NCAM2: variants seen among roughly 807,000 people sequenced by gnomAD.
NCAM2 encodes the protein neural cell adhesion molecule 2.
NCAM2 carries 30 observed loss-of-function variants against 98.1 expected under a neutral mutation model. The observed-to-expected ratio is 0.31, with a 90% CI of 0.23 to 0.41. The LOEUF (loss-of-function observed/expected upper bound fraction) is 0.41, where lower values mean the gene tolerates loss of function less well. Among genes scored for constraint, NCAM2 ranks in the 10% least tolerant of loss-of-function variants. The pLI is 1.00. For synonymous variants in NCAM2, 368 were observed against 342.4 expected (o/e 1.07, Z -0.83); for missense variants, 867 against 1,005.8 (o/e 0.86, Z 1.87).
intron 8 of NCAM2, among the ~76,000 whole-genome samples, chr21:21,359,471 GATA>G (rs1402464735): frequency 6.6e-6 from 1 of 151,794 alleles, no homozygotes; most frequent in Non-Finnish European, 1.5e-5. Flanking sequence ...AATAATTCTA[GATA>G]ATATTTTTAA....
chr21:21,034,943 A>G (rs1601159150), intron 1 of NCAM2, among the ~76,000 whole-genome samples: 2 of 152,180 alleles, frequency 1.3e-5, no homozygotes, highest in African/African-American at 4.8e-5. Context: ...CTGGACTTCT[A>G]AAAGAGTCTC....
At chr21:21,059,323 G>A (rs1459881805) in intron 1 of NCAM2, among the ~76,000 whole-genome samples, 1 of 152,158 alleles carries the variant, frequency 6.6e-6, no homozygotes, top group African/African-American at 2.4e-5. Context: ...TCAGAGACTT[G>A]GGGACATTGA....
intron 1 of NCAM2, among the ~76,000 whole-genome samples, chr21:21,124,168 C>T (rs1245126841): frequency 6.6e-6 from 1 of 151,978 alleles, no homozygotes; most frequent in African/African-American, 2.4e-5. Flanking sequence ...TAATAACATT[C>T]AAGTAGATTA....
intron 1 of NCAM2, among the ~76,000 whole-genome samples, chr21:21,144,775 T>A (rs1433057461): frequency 6.6e-6 from 1 of 152,130 alleles, no homozygotes; most frequent in Non-Finnish European, 1.5e-5. Context: ...TAGATTTAAC[T>A]ACAGACAAAG....
chr21:21,126,800 T>G (rs2066835214), intron 1 of NCAM2, among the ~76,000 whole-genome samples: 1 of 152,034 alleles, frequency 6.6e-6, no homozygotes. Context: ...AGATAATTTC[T>G]CATACACAGT....
rs189930717 is a variant in NCAM2 at position 21,525,309 on chromosome 21, C to T, written c.2283-9228C>T. ...GACAGAGATAGAGAAAGAAAATACA[C>T]AAGAATATCAGAAATAAAGAAGGAA... On this transcript the variant is annotated intron_variant, in intron 16 of 17. Transcript: ENST00000400546. 8.9e-4 allele frequency among the ~76,000 whole-genome samples: 135 copies of T among 152,078 alleles called. No homozygotes were observed. In the South Asian group the frequency reaches 0.012, roughly 13 times the overall value.
intron 1 of NCAM2, among the ~76,000 whole-genome samples, chr21:21,265,096 T>TATAC (rs2072149825): frequency 5.5e-5 from 4 of 72,344 alleles, no homozygotes; most frequent in African/African-American, 1.6e-4. Flanking sequence ...ATATTATATA[T>TATAC]ACATATATAA....
chr21:21,308,015 A>G lies in NCAM2; in HGVS notation c.619+15774A>G, dbSNP rs145291871. Reference sequence around the variant, plus strand: ...GATGGCCAGGTGTTAGGGCATTGACATCTTTGGGAAGAGACATTATTCTTC... The same window carrying G: ...GATGGCCAGGTGTTAGGGCATTGACGTCTTTGGGAAGAGACATTATTCTTC... On this transcript the variant is annotated intron_variant, in intron 5 of 17. Coordinates refer to ENST00000400546, the MANE Select transcript of NCAM2 (RefSeq NM_004540.5). 1.1e-3 allele frequency among the ~76,000 whole-genome samples: 160 copies of G among 152,018 alleles called. 2 individuals are homozygous for G. The South Asian group carries it at 0.012, about 12-fold the overall frequency.
chr21:21,124,602 C>T (rs1002565860), intron 1 of NCAM2, among the ~76,000 whole-genome samples: 1 of 152,152 alleles, frequency 6.6e-6, no homozygotes, highest in Non-Finnish European at 1.5e-5. Context: ...GAGCAAAACT[C>T]ATTGTGTTCA....
intron 16 of NCAM2, among the ~76,000 whole-genome samples, chr21:21,517,215 T>C (rs1196646781): frequency 1.3e-5 from 2 of 152,220 alleles, no homozygotes; most frequent in African/African-American, 4.8e-5. Flanking sequence ...TTTCATCAAC[T>C]TGGCTAAAAT....
chr21:21,134,906 G>T (rs2067011444), intron 1 of NCAM2, among the ~76,000 whole-genome samples: 1 of 151,628 alleles, frequency 6.6e-6, no homozygotes, highest in Admixed American at 6.6e-5. Flanking sequence ...TTTTTGTACA[G>T]ACATGGTCTC....
chr21:21,000,281 A>T (rs1601047394), intron 1 of NCAM2, among the ~76,000 whole-genome samples: 1 of 152,318 alleles, frequency 6.6e-6, no homozygotes, highest in East Asian at 1.9e-4. Context: ...CAATTAAATA[A>T]GTGTAGGTAG....
chr21:21,467,512 C>A (rs557214276), intron 13 of NCAM2, among the ~76,000 whole-genome samples: 5 of 150,128 alleles, frequency 3.3e-5, no homozygotes, highest in African/African-American at 7.4e-5. Flanking sequence ...ATCATAAAAT[C>A]TGTCAGGTAA....
intron 9 of NCAM2, among the ~76,000 whole-genome samples, chr21:21,401,763 T>G (rs540099390): frequency 6.6e-6 from 1 of 152,294 alleles, no homozygotes; most frequent in East Asian, 1.9e-4. Context: ...TATAGGAGTA[T>G]GGATATCTTT....
chr21:21,314,122 C>T (rs1331728017), intron 5 of NCAM2, among the ~76,000 whole-genome samples: 1 of 151,950 alleles, frequency 6.6e-6, no homozygotes, highest in Non-Finnish European at 1.5e-5. Flanking sequence ...TTGTAACTCA[C>T]GTTTTATTTC....
intron 9 of NCAM2, among the ~76,000 whole-genome samples, chr21:21,400,458 T>C (rs2076604090): frequency 6.6e-6 from 1 of 152,188 alleles, no homozygotes; most frequent in African/African-American, 2.4e-5. Flanking sequence ...ACAATTTTTA[T>C]TAATTATATA....
chr21:21,265,085 T>G (rs1166080195), intron 1 of NCAM2, among the ~76,000 whole-genome samples: 1 of 101,268 alleles, frequency 9.9e-6, no homozygotes, highest in Non-Finnish European at 1.9e-5. Flanking sequence ...TATACACACA[T>G]ATATTATATA....
At chr21:21,071,409 A>G (rs1467708402) in intron 1 of NCAM2, among the ~76,000 whole-genome samples, 1 of 152,144 alleles carries the variant, frequency 6.6e-6, no homozygotes. Flanking sequence ...TCAAAATAAA[A>G]TGTTCTGGGA....
intron 1 of NCAM2, among the ~76,000 whole-genome samples, chr21:21,067,666 A>G (rs2065469224): frequency 6.6e-6 from 1 of 152,218 alleles, no homozygotes; most frequent in South Asian, 2.1e-4. Context: ...CATTCTACTT[A>G]TATTAATTAC....
Sources: allele counts gnomAD v4.1 joint callset (sites outside exome capture counted in the v4.1 genomes callset), GRCh38; gene constraint gnomAD v4.1.1; transcripts MANE v1.5; gene names NCBI Gene and HGNC (gene_info 2026-07-23, HGNC 2026-07-21).